Variants in KIAA1958 observed in about 807,000 individuals in gnomAD.
KIAA1958 encodes uncharacterized protein KIAA1958.
A neutral mutation model predicts 47.2 loss-of-function variants in KIAA1958; 14 were observed. That is an observed-to-expected ratio of 0.30 (90% CI 0.20 to 0.46). The LOEUF (loss-of-function observed/expected upper bound fraction) is 0.46, where lower values mean the gene tolerates loss of function less well. KIAA1958 is among the 20% of genes least tolerant of loss of function. The pLI is 1.00. For missense variants in KIAA1958, 803 were observed against 909.2 expected (o/e 0.88, Z 1.50); for synonymous variants, 354 against 353.3 (o/e 1.00, Z -0.02).
intron 1 of KIAA1958, among the ~76,000 whole-genome samples, chr9:112,537,558 A>T (rs542699711): frequency 6.6e-6 from 1 of 152,386 alleles, no homozygotes; most frequent in African/African-American, 2.4e-5. Flanking sequence ...ATCATTAGTC[A>T]TCAGGAAAAT....
chr9:112,587,267 A>G (rs1835842278), intron 2 of KIAA1958, among the ~76,000 whole-genome samples: 1 of 152,128 alleles, frequency 6.6e-6, no homozygotes, highest in Non-Finnish European at 1.5e-5. Flanking sequence ...CTCATACCTC[A>G]GCCTCCTAAG....
intron 1 of KIAA1958, among the ~76,000 whole-genome samples, chr9:112,547,209 T>C (rs1835053193): frequency 7.4e-6 from 1 of 135,904 alleles, no homozygotes; most frequent in Non-Finnish European, 1.6e-5. Context: ...AAACCCCATC[T>C]CTACTAAAAA....
At position 112,660,102 on chromosome 9, in the gene KIAA1958, C is replaced by T. The variant is rs768430720; in HGVS notation, c.*33C>T. On this transcript the variant is annotated 3_prime_UTR_variant, in exon 4 of 4. Transcript: ENST00000337530. The stretch of plus-strand genomic sequence containing the variant: ...CTGGGGCCCGGCCACTGCCCTGTCA[C>T]CTGCTCGGGCCAGCCAGGGTTGGAG... The T allele has an allele frequency of 3.2e-6, 5 of 1,581,144 alleles. No individual in the cohort carries two copies. The South Asian group carries it at 5.7e-5, about 18-fold the overall frequency.
intron 2 of KIAA1958, among the ~76,000 whole-genome samples, chr9:112,591,673 G>A (rs893393912): frequency 5.3e-5 from 8 of 151,716 alleles, no homozygotes; most frequent in Non-Finnish European, 1.0e-4. Flanking sequence ...TTGGAGGATC[G>A]CTTGAGCCCA....
chr9:112,669,008 A>G lies in KIAA1958; in HGVS notation c.*8939A>G, dbSNP rs1165943814. 2 of 152,236 alleles carry G rather than the reference A, an allele frequency of 1.3e-5. No homozygotes were observed. The highest frequency in any genetic ancestry group is 2.9e-5 in the Non-Finnish European group (2 of 68,040). The allele number at this position is 152,236 out of a possible 1,614,324, so 9.4% of individuals were successfully genotyped here. On this transcript the variant is annotated 3_prime_UTR_variant, in exon 4 of 4. Coordinates refer to ENST00000337530, the MANE Select transcript of KIAA1958 (RefSeq NM_133465.4). ...CTGTAATTTTGTTTTAATATAGAGGATACCCATAATTTCTTAACACTGGAA... is the reference window on the plus strand; with the variant it reads ...CTGTAATTTTGTTTTAATATAGAGGGTACCCATAATTTCTTAACACTGGAA...
In KIAA1958 at chr9:112,669,323, G is replaced by A. The variant is rs1261696646; in HGVS notation, c.*9254G>A. 6.6e-6 allele frequency: 1 copy of A among 152,182 alleles called. No individual in the cohort carries two copies. The allele number at this position is 152,182 out of a possible 1,614,324, so 9.4% of individuals were successfully genotyped here. A position where few individuals can be genotyped will look rare whatever the true frequency, so the allele number is the denominator to read the frequency against. On this transcript the variant is annotated 3_prime_UTR_variant, in exon 4 of 4. Coordinates refer to ENST00000337530, the MANE Select transcript of KIAA1958 (RefSeq NM_133465.4). ...TATTTTAAAGGTGGTTGTTGTTGTT[G>A]TTTGGGTTCACTTATGTATATGCAG...
Position 112,512,873 on chromosome 9 carries a change from C to T in KIAA1958, c.-25+25755C>T, listed in dbSNP as rs533218198. Among the ~76,000 whole-genome samples the T allele has an allele frequency of 9.9e-5, 15 of 152,106 alleles. No homozygotes were observed. In the South Asian group the frequency reaches 1.5e-3, roughly 15 times the overall value. ...GTTTTTTTGAGACAGAGCCTCACTCCGTCATCCAGGCTGGATTGCAGTGGC... is the reference window on the plus strand; with the variant it reads ...GTTTTTTTGAGACAGAGCCTCACTCTGTCATCCAGGCTGGATTGCAGTGGC... On this transcript the variant is annotated intron_variant, in intron 1 of 3. Coordinates refer to ENST00000337530, the MANE Select transcript of KIAA1958 (RefSeq NM_133465.4).
chr9:112,501,138 C>T (rs1316256618), intron 1 of KIAA1958, among the ~76,000 whole-genome samples: 4 of 151,252 alleles, frequency 2.6e-5, no homozygotes, highest in African/African-American at 9.7e-5. Context: ...AACAAACAAA[C>T]TCAAAAAACT....
At chr9:112,598,048 T>A (rs972090097) in intron 2 of KIAA1958, among the ~76,000 whole-genome samples, 3 of 152,266 alleles carry the variant, frequency 2.0e-5, no homozygotes, top group Middle Eastern at 3.4e-3. Flanking sequence ...AATTATAAAT[T>A]GTTAGACATG....
In KIAA1958 at chr9:112,660,410, CTGTT is replaced by C. The variant is rs771383106; in HGVS notation, c.*342_*345del. 4 of 267,722 alleles carry C rather than the reference CTGTT, an allele frequency of 1.5e-5. No homozygotes were observed. Among genetic ancestry groups the C allele is most frequent in the African/African-American group, 6.5e-5 (3 of 46,416 alleles). 16.6% of individuals were successfully genotyped at this position (267,722 alleles called of 1,614,324 possible). A position where few individuals can be genotyped will look rare whatever the true frequency, so the allele number is the denominator to read the frequency against. On this transcript the variant is annotated 3_prime_UTR_variant, in exon 4 of 4. Coordinates refer to ENST00000337530, the MANE Select transcript of KIAA1958 (RefSeq NM_133465.4). ...CAAAACAAACAAACAAAAAAGGAAA[CTGTT>C]AAGTAGTCGTTTAAAAAAAAAATCC...
intron 1 of KIAA1958, among the ~76,000 whole-genome samples, chr9:112,532,596 G>A (rs554122097): frequency 2.5e-4 from 38 of 152,298 alleles, no homozygotes; most frequent in Admixed American, 2.2e-3. Context: ...TAAAACAGTA[G>A]TGGGATTACC....
Position 112,574,889 on chromosome 9 carries a change from C to T in KIAA1958, c.809C>T (p.Ser270Phe). Residue 270 changes from serine (S) to phenylalanine (F), a missense_variant, in exon 2 of 4, where the codon TCT becomes TTT. Physicochemically the swap from Ser to Phe is radical, Grantham distance 155. Around this residue, in one of 2 missense-constraint regions of KIAA1958, gnomAD observed 761 missense variants for 829.3 expected, o/e 0.92. Transcript: ENST00000337530. ...ACGGAGCTAGACCCACACGGTATGT[C>T]TGCATCCCCCTCTGTGATCTCCAGA... The part of the protein sequence containing the change: ...ISTELDPHGM[S>F]ASPSVISRPI... 6.2e-7 allele frequency: 1 copy of T among 1,614,114 alleles called. No individual in the cohort carries two copies. Among genetic ancestry groups the T allele is most frequent in the Non-Finnish European group, 8.5e-7 (1 of 1,180,000 alleles).
At chr9:112,636,243 T>C (rs940534991) in intron 2 of KIAA1958, among the ~76,000 whole-genome samples, 16 of 151,650 alleles carry the variant, frequency 1.1e-4, no homozygotes, top group Non-Finnish European at 2.2e-4. Flanking sequence ...TCTACTTATA[T>C]TAGAGATCAT....
intron 1 of KIAA1958, among the ~76,000 whole-genome samples, chr9:112,534,753 G>A (rs867593118): frequency 5.9e-5 from 9 of 151,788 alleles, no homozygotes; most frequent in Non-Finnish European, 1.2e-4. Context: ...CATGTTGGCC[G>A]AGCTGGTCTC....
chr9:112,634,585 T>A (rs1020812828), intron 2 of KIAA1958, among the ~76,000 whole-genome samples: 6 of 152,220 alleles, frequency 3.9e-5, no homozygotes, highest in Non-Finnish European at 7.3e-5. Context: ...TTTTCCTTTT[T>A]AAAAAATTTT....
rs138319016 is a variant in KIAA1958, at chr9:112,599,014, C to T, written c.1171+23763C>T. 7.4e-4 allele frequency among the ~76,000 whole-genome samples: 113 copies of T among 152,070 alleles called. 1 individual carries two copies. In the East Asian group the frequency reaches 0.02, roughly 27 times the overall value. Reference sequence around the variant, plus strand: ...GGAGGATCGCTTGAGCCCAGGAGTTCGAGATTACAGTGACTGAGCCACTGC... The same window carrying T: ...GGAGGATCGCTTGAGCCCAGGAGTTTGAGATTACAGTGACTGAGCCACTGC... On this transcript the variant is annotated intron_variant, in intron 2 of 3. Coordinates refer to ENST00000337530, the MANE Select transcript of KIAA1958 (RefSeq NM_133465.4).
chr9:112,488,512 G>A (rs1427403961), intron 1 of KIAA1958, among the ~76,000 whole-genome samples: 2 of 152,032 alleles, frequency 1.3e-5, no homozygotes, highest in Non-Finnish European at 2.9e-5. Flanking sequence ...GCTCCGTTCT[G>A]GAAACTCTTT....
chr9:112,557,887 TATC>T (rs1835269164), intron 1 of KIAA1958, among the ~76,000 whole-genome samples: 1 of 152,228 alleles, frequency 6.6e-6, no homozygotes, highest in Non-Finnish European at 1.5e-5. Flanking sequence ...AAATACCTAA[TATC>T]ATATTTAATA....
At chr9:112,561,287 C>G (rs1835324690) in intron 1 of KIAA1958, among the ~76,000 whole-genome samples, 1 of 152,008 alleles carries the variant, frequency 6.6e-6, no homozygotes, top group Non-Finnish European at 1.5e-5. Flanking sequence ...GTCTCCTGAC[C>G]TCGCGATCTG....
Sources: allele counts gnomAD v4.1 joint callset (sites outside exome capture counted in the v4.1 genomes callset), GRCh38; gene constraint gnomAD v4.1.1; regional missense constraint gnomAD v4.1.1; transcripts MANE v1.5; gene names NCBI Gene and HGNC (gene_info 2026-07-23, HGNC 2026-07-21).